Variants in NTN4 observed in about 807,000 individuals in gnomAD.
The protein encoded by NTN4 is netrin-4.
In NTN4, 32 loss-of-function variants were observed where a neutral mutation model predicts 73.6. The ratio of observed to expected loss-of-function variants is 0.44; its 90% CI spans 0.33 to 0.58. The LOEUF (loss-of-function observed/expected upper bound fraction) is 0.58, where lower values mean the gene tolerates loss of function less well. NTN4 is among the 20% of genes least tolerant of loss of function. The pLI is 0.04. For missense variants in NTN4, 654 were observed against 798.3 expected (o/e 0.82, Z 2.18); for synonymous variants, 258 against 287.5 (o/e 0.90, Z 1.04).
intron 5 of NTN4, among the ~76,000 whole-genome samples, chr12:95,700,080 ATTTTTTTTTTTTTT>A (rs56063223): frequency 0.018 from 770 of 41,866 alleles, 13 homozygotes; most frequent in African/African-American, 0.065. Context: ...TAAAGTGAGG[ATTTTTTTTTTTTTT>A]TTTTTTTTTT....
chr12:95,670,824 A>G (rs1216796603), intron 7 of NTN4, among the ~76,000 whole-genome samples: 223 of 36,944 alleles, frequency 6.0e-3, no homozygotes, highest in Middle Eastern at 0.031. Context: ...AAGGATTTAA[A>G]AGGGACTTTG....
intron 5 of NTN4, among the ~76,000 whole-genome samples, chr12:95,695,924 CTCTTT>C (rs1565887445): frequency 6.6e-6 from 1 of 151,540 alleles, no homozygotes; most frequent in African/African-American, 2.4e-5. Flanking sequence ...CCCTCCCTCC[CTCTTT>C]TCTTTTCTCT....
At chr12:95,717,837 A>G (rs2078618394) in intron 3 of NTN4, among the ~76,000 whole-genome samples, 1 of 152,210 alleles carries the variant, frequency 6.6e-6, no homozygotes, top group African/African-American at 2.4e-5. Flanking sequence ...ATTTACCTTA[A>G]CAGCAAAACT....
At chr12:95,665,536 TG>T (rs2078172630) in intron 9 of NTN4, 1 of 248,908 alleles carries the variant, frequency 4.0e-6, no homozygotes, top group African/African-American at 2.2e-5. Flanking sequence ...TCTATGCAAC[TG>T]GCACCTGGAA....
chr12:95,744,222 C>T (rs1468689817), intron 2 of NTN4, among the ~76,000 whole-genome samples: 1 of 152,150 alleles, frequency 6.6e-6, no homozygotes, highest in African/African-American at 2.4e-5. Flanking sequence ...ATTGTTATAT[C>T]CTCTTGATGA....
In NTN4 at chr12:95,702,839, ATGGTTTTTTTTTTTTT is replaced by A. The variant is rs1246967558; in HGVS notation, c.1180+7586_1180+7601del. ...TCTCAACTGTTGCTTCAGGTTTTCA[ATGGTTTTTTTTTTTTT>A]TGGTTTTTTTTTTTTTTGAGACATA... On this transcript the variant is annotated intron_variant, in intron 5 of 9. Coordinates refer to ENST00000343702, the MANE Select transcript of NTN4 (RefSeq NM_021229.4). Among the ~76,000 whole-genome samples, 103 of 129,986 alleles carry A rather than the reference ATGGTTTTTTTTTTTTT, an allele frequency of 7.9e-4. 1 individual carries two copies. The highest frequency in any genetic ancestry group is 1.1e-3 in the South Asian group (4 of 3,560). The allele number at this position is 129,986 out of a possible 152,430, so 85.3% of individuals were successfully genotyped here. A position where few individuals can be genotyped will look rare whatever the true frequency, so the allele number is the denominator to read the frequency against.
intron 2 of NTN4, among the ~76,000 whole-genome samples, chr12:95,750,761 C>G (rs2078900574): frequency 2.6e-5 from 4 of 152,154 alleles, no homozygotes; most frequent in Admixed American, 2.6e-4. Context: ...TCCCTTCCTC[C>G]CCAGGCTGCT....
chr12:95,659,317 A>G, intron 9 of NTN4, 95 bp from the exon 10 acceptor site: 1 of 963,154 alleles, frequency 1.0e-6, no homozygotes, highest in Non-Finnish European at 1.5e-6. Context: ...TTATTTTGAG[A>G]CAAGGTCTTG....
chr12:95,682,057 CTT>C (rs557973212), intron 7 of NTN4, among the ~76,000 whole-genome samples: 2,092 of 64,290 alleles, frequency 0.033, 11 homozygotes, highest in Non-Finnish European at 0.042. Flanking sequence ...ATTCAGTAGG[CTT>C]TTTTTTTTTT....
intron 5 of NTN4, among the ~76,000 whole-genome samples, chr12:95,697,282 A>G (rs12423171): frequency 0.18 from 27,207 of 152,138 alleles, 2,677 homozygotes; most frequent in Non-Finnish European, 0.23. Context: ...AATCAATCTG[A>G]AATTCCTTTC....
At chr12:95,663,309 T>C (rs1197757786) in intron 9 of NTN4, 2 of 152,170 alleles carry the variant, frequency 1.3e-5, no homozygotes, top group Non-Finnish European at 2.9e-5. Context: ...AAAACAAATA[T>C]GCAAAACAAT....
chr12:95,712,762 C>T (rs11108207), intron 4 of NTN4, among the ~76,000 whole-genome samples: 13,880 of 150,022 alleles, frequency 0.093, 912 homozygotes, highest in Non-Finnish European at 0.14. Flanking sequence ...CCACCATGCC[C>T]GGCTAATTTT....
chr12:95,725,242 A>G (rs1168788637), intron 3 of NTN4, among the ~76,000 whole-genome samples: 2 of 152,144 alleles, frequency 1.3e-5, no homozygotes, highest in Non-Finnish European at 2.9e-5. Context: ...GCAAAAAACG[A>G]GTAGAACTAA....
intron 9 of NTN4, among the ~76,000 whole-genome samples, chr12:95,664,233 T>A (rs557221249): frequency 5.9e-5 from 9 of 152,112 alleles, no homozygotes; most frequent in South Asian, 4.2e-4. Context: ...ATTTAAAAAA[T>A]TTTTTGTGGA....
At position 95,676,754 on chromosome 12, in the gene NTN4, T is replaced by C. The variant is rs148110836; in HGVS notation, c.1510+5953A>G. Among the ~76,000 whole-genome samples, 1,433 of 151,362 alleles carry C rather than the reference T, an allele frequency of 9.5e-3. 6 individuals are homozygous for C. Among genetic ancestry groups the C allele is most frequent in the Non-Finnish European group, 0.016 (1,111 of 67,856 alleles). Reference sequence around the variant, plus strand: ...ATTAGTGAAATAAAGAAAAATTAAATAGGTTGGATCAAGTTAACCAAAAGT... The same window carrying C: ...ATTAGTGAAATAAAGAAAAATTAAACAGGTTGGATCAAGTTAACCAAAAGT... On this transcript the variant is annotated intron_variant, in intron 7 of 9. Coordinates refer to ENST00000343702, the MANE Select transcript of NTN4 (RefSeq NM_021229.4).
At position 95,790,326 on chromosome 12, in the gene NTN4, G is replaced by C. The variant is rs1013681056; in HGVS notation, c.-17C>G. The C allele has an allele frequency of 1.3e-6, 2 of 1,523,578 alleles. No individual in the cohort carries two copies. The highest frequency in any genetic ancestry group is 1.8e-6 in the Non-Finnish European group (2 of 1,136,168). 94.4% of individuals were successfully genotyped at this position (1,523,578 alleles called of 1,614,324 possible). A position where few individuals can be genotyped will look rare whatever the true frequency, so the allele number is the denominator to read the frequency against. ...GCTCCCCATGGCCGGGAGGAGCCGG[G>C]AGCAGCCGGGCCGGGCGGGTGCCGG... On this transcript the variant is annotated 5_prime_UTR_variant, in exon 1 of 10. Coordinates refer to ENST00000343702, the MANE Select transcript of NTN4 (RefSeq NM_021229.4). This position sits in a 1 kb window ranked among gnomAD's most constrained non-coding sequence, Gnocchi z 6.5.
chr12:95,749,475 C>A (rs1197254589), intron 2 of NTN4, among the ~76,000 whole-genome samples: 2 of 152,322 alleles, frequency 1.3e-5, no homozygotes, highest in African/African-American at 4.8e-5. Context: ...CTCTCACTGT[C>A]CCTCAACCAC....
chr12:95,745,262 T>C (rs1002640245), intron 2 of NTN4, among the ~76,000 whole-genome samples: 2 of 152,298 alleles, frequency 1.3e-5, no homozygotes, highest in South Asian at 2.1e-4. Flanking sequence ...CTCCCTTCTT[T>C]CCTTTGTTGG....
At chr12:95,779,966 A>G (rs2079120855) in intron 2 of NTN4, among the ~76,000 whole-genome samples, 1 of 152,220 alleles carries the variant, frequency 6.6e-6, no homozygotes, top group African/African-American at 2.4e-5. Context: ...AGACCAATGG[A>G]ACAGAACAGA....
Sources: allele counts gnomAD v4.1 joint callset (sites outside exome capture counted in the v4.1 genomes callset), GRCh38; gene constraint gnomAD v4.1.1; non-coding constraint Gnocchi (gnomAD v3.1); transcripts MANE v1.5; gene names NCBI Gene and HGNC (gene_info 2026-07-23, HGNC 2026-07-21).